Variants in RB1 observed in about 807,000 individuals in gnomAD.
The protein encoded by RB1 is retinoblastoma-associated protein.
In RB1, 18 loss-of-function variants were observed where a neutral mutation model predicts 135.4. The ratio of observed to expected loss-of-function variants is 0.13; its 90% CI spans 0.09 to 0.20. The LOEUF is 0.20. Ranked by LOEUF, RB1 falls within the 10% of genes least tolerant of loss-of-function variation. RB1 has a pLI of 1.00. For missense variants in RB1, 868 were observed against 1,110.0 expected (o/e 0.78, Z 3.10); for synonymous variants, 365 against 373.2 (o/e 0.98, Z 0.25).
At chr13:48,367,745 T>C (rs1398715859) in intron 10 of RB1, 142 bp downstream of exon 10, 8 of 950,150 alleles carry the variant, frequency 8.4e-6, no homozygotes, top group Non-Finnish European at 1.2e-5. Flanking sequence ...CAAAGAAAAG[T>C]TTAACAGTAT....
intron 17 of RB1, among the ~76,000 whole-genome samples, chr13:48,404,760 C>G (rs768432842): frequency 6.6e-6 from 1 of 151,948 alleles, no homozygotes; most frequent in Non-Finnish European, 1.5e-5. Context: ...CTCCTGACAT[C>G]GTGATCCGCC....
intron 2 of RB1, among the ~76,000 whole-genome samples, chr13:48,311,981 G>A (rs897470583): frequency 7.2e-5 from 11 of 152,224 alleles, no homozygotes; most frequent in South Asian, 2.1e-4. Flanking sequence ...CATTACAGGC[G>A]TGAGCCACTG....
At chr13:48,349,121 AC>A (rs1018431698) in intron 6 of RB1, 98 bp downstream of exon 6, 2 of 1,265,698 alleles carry the variant, frequency 1.6e-6, no homozygotes, top group Non-Finnish European at 2.2e-6. Flanking sequence ...TGAGTAATGT[AC>A]TCCTCCCTCA....
intron 17 of RB1, among the ~76,000 whole-genome samples, chr13:48,435,576 A>G (rs117454225): frequency 1.3e-5 from 2 of 152,160 alleles, no homozygotes; most frequent in Non-Finnish European, 2.9e-5. Flanking sequence ...ATTTTCATAA[A>G]GTCCAGTTTA....
chr13:48,348,879 C>A (rs1283083595), intron 5 of RB1, 77 bp from the exon 6 acceptor site: 4 of 1,523,796 alleles, frequency 2.6e-6, no homozygotes, highest in South Asian at 1.2e-5. Context: ...AAGAAACACC[C>A]AAAAGATATA....
chr13:48,368,607 A>G lies in RB1; in HGVS notation c.1127+3A>G. The G allele has an allele frequency of 6.2e-7, 1 of 1,612,392 alleles. No homozygotes were observed. Among genetic ancestry groups the G allele is most frequent in the African/African-American group, 1.3e-5 (1 of 75,020 alleles). On this transcript the variant is annotated splice_donor_region_variant and intron_variant, in intron 11 of 26. Coordinates refer to ENST00000267163, the MANE Select transcript of RB1 (RefSeq NM_000321.3). ...ATTCCTCCACACACTCCAGTTAGGT[A>G]TGAATTTTCCTACTTTTAATTATAT... is the stretch of plus-strand genomic sequence containing the variant.
chr13:48,318,026 C>T, intron 2 of RB1: 1 of 509,046 alleles, frequency 2.0e-6, no homozygotes, highest in Non-Finnish European at 3.7e-6. Context: ...AGACAGGGAG[C>T]CGGGGCTGGG....
In RB1 at chr13:48,334,385, G is replaced by A. The variant is rs968823663; in HGVS notation, c.265-8214G>A. Among the ~76,000 whole-genome samples the A allele has an allele frequency of 2.6e-5, 4 of 152,162 alleles. No individual in the cohort carries two copies. The South Asian group carries it at 6.2e-4, about 24-fold the overall frequency. On this transcript the variant is annotated intron_variant, in intron 2 of 26. Transcript: ENST00000267163. Reference sequence around the variant, plus strand: ...AGCCTGTTATTCCTTCTGTTCCTACGTATCACCTAGGTAAGGAGGAAATCT... The same window carrying A: ...AGCCTGTTATTCCTTCTGTTCCTACATATCACCTAGGTAAGGAGGAAATCT...
chr13:48,477,310 A>T, intron 25 of RB1, 45 bp from the exon 26 acceptor site: 3 of 1,466,668 alleles, frequency 2.0e-6, no homozygotes, highest in Non-Finnish European at 2.9e-6. Context: ...TGAGTTTTCC[A>T]TTTATAAATA....
intron 2 of RB1, among the ~76,000 whole-genome samples, chr13:48,312,989 A>C (rs1952144394): frequency 6.6e-6 from 1 of 152,184 alleles, no homozygotes; most frequent in Non-Finnish European, 1.5e-5. Flanking sequence ...ATGAAGAAGT[A>C]AAGTCCAAAC....
chr13:48,465,513 A>G (rs965072811), intron 23 of RB1, 145 bp downstream of exon 23: 46 of 958,480 alleles, frequency 4.8e-5, no homozygotes, highest in Non-Finnish European at 6.5e-5. Flanking sequence ...TAATAAGAAT[A>G]TGGGGGCGGG....
chr13:48,365,100 G>A (rs1485518078), intron 9 of RB1, 129 bp downstream of exon 9: 1 of 1,177,800 alleles, frequency 8.5e-7, no homozygotes, highest in South Asian at 2.0e-5. Flanking sequence ...ATCTAGCCAA[G>A]TAGAATTGTG....
At chr13:48,342,520 A>G in intron 2 of RB1, 79 bp from the exon 3 acceptor site, 2 of 883,808 alleles carry the variant, frequency 2.3e-6, no homozygotes, top group East Asian at 2.4e-5. Context: ...AGAAAAAATC[A>G]GTTATAATAC....
chr13:48,439,677 G>A (rs963839199), intron 17 of RB1: 1 of 152,164 alleles, frequency 6.6e-6, no homozygotes, highest in African/African-American at 2.4e-5. Flanking sequence ...TATTGAATGT[G>A]TTATGATTTA....
chr13:48,381,183 C>CA (rs11351399), intron 16 of RB1, 64 bp from the exon 17 acceptor site: 5 of 1,514,000 alleles, frequency 3.3e-6, no homozygotes, highest in Middle Eastern at 2.4e-4. Flanking sequence ...TAATAACTTC[C>CA]AAAAAAATAC....
chr13:48,445,454 C>A (rs970959568), intron 17 of RB1, among the ~76,000 whole-genome samples: 20 of 152,290 alleles, frequency 1.3e-4, no homozygotes, highest in Admixed American at 6.5e-4. Flanking sequence ...TCTCCACTAT[C>A]CCACCCGGGT....
intron 11 of RB1, among the ~76,000 whole-genome samples, chr13:48,369,775 T>C (rs1198942817): frequency 6.6e-6 from 1 of 152,254 alleles, no homozygotes; most frequent in Non-Finnish European, 1.5e-5. Flanking sequence ...ATATTGCTTT[T>C]GAAAAGATAT....
intron 8 of RB1, 56 bp from the exon 9 acceptor site, chr13:48,364,838 G>T (rs1952679085): frequency 6.5e-7 from 1 of 1,531,508 alleles, no homozygotes; most frequent in Non-Finnish European, 8.8e-7. Flanking sequence ...CAAGAGTCAA[G>T]AGATTAGATT....
chr13:48,328,222 T>C, intron 2 of RB1: 17 of 1,445,088 alleles, frequency 1.2e-5, no homozygotes, highest in Non-Finnish European at 1.7e-5. Context: ...ATATTCTTCA[T>C]CCTCATCTTT....
Sources: gnomAD v4.1 joint callset for allele counts (sites outside exome capture counted in the v4.1 genomes callset) on GRCh38, gnomAD v4.1.1 for gene constraint, MANE v1.5 for transcripts, NCBI Gene and HGNC (gene_info 2026-07-23, HGNC 2026-07-21) for gene names.